The following TENM4 variants were observed in gnomAD, a reference collection of about 807,000 sequenced individuals.
TENM4 encodes the protein teneurin transmembrane protein 4.
A neutral mutation model predicts 243.3 loss-of-function variants in TENM4; 82 were observed. The ratio of observed to expected loss-of-function variants is 0.34; its 90% CI spans 0.28 to 0.40. The LOEUF (loss-of-function observed/expected upper bound fraction) is 0.40, where lower values mean the gene tolerates loss of function less well. TENM4 is among the 10% of genes least tolerant of loss of function. The pLI, the probability that TENM4 is intolerant of heterozygous loss-of-function variation, is 1.00. For missense variants in TENM4, 3,138 were observed against 3,673.3 expected, an observed-to-expected ratio of 0.85 and a Z score of 3.77; for synonymous variants, 1,412 against 1,456.3, an observed-to-expected ratio of 0.97 and a Z score of 0.69.
rs566954483 is a variant in TENM4 at position 78,819,637 on chromosome 11, G to C, written c.1682-5242C>G. On this transcript the variant is annotated intron_variant, in intron 12 of 33. Transcript: ENST00000278550. ...CGGACTCCAGCATCAAAGACAGAAG[G>C]AACCAGCTTTGTGAATGAGGTCAAG... Among the ~76,000 whole-genome samples, 9 of 152,228 alleles carry C rather than the reference G, an allele frequency of 5.9e-5. No homozygotes were observed. The East Asian group carries it at 1.5e-3, about 26-fold the overall frequency.
rs181546018 is a variant in TENM4, at chr11:78,767,201, T to C, written c.2539+3791A>G. Among the ~76,000 whole-genome samples the C allele has an allele frequency of 4.6e-3, 706 of 152,310 alleles. 3 individuals are homozygous for C. Among genetic ancestry groups the C allele is most frequent in the African/African-American group, 0.016 (650 of 41,568 alleles). ...AATGTCGCCAAGACCTCACATACTC[T>C]GGCAGTTTCTGCGACCGGCCAGCTG... On this transcript the variant is annotated intron_variant, in intron 18 of 33. Coordinates refer to ENST00000278550, the MANE Select transcript of TENM4 (RefSeq NM_001098816.3).
chr11:79,283,497 C>T (rs486437), intron 2 of TENM4, among the ~76,000 whole-genome samples: 150,845 of 152,278 alleles, frequency 0.99, 74,793 homozygotes, highest in Middle Eastern at 1. Flanking sequence ...GGAAAAAGCA[C>T]TTCACAAAAT....
chr11:78,887,847 T>C (rs1316625772), intron 9 of TENM4, among the ~76,000 whole-genome samples: 2 of 152,274 alleles, frequency 1.3e-5, no homozygotes, highest in Non-Finnish European at 1.5e-5. Context: ...AATTAGGCTA[T>C]ATGATATAAA....
At chr11:79,124,472 G>A (rs568871673) in intron 4 of TENM4, among the ~76,000 whole-genome samples, 3 of 152,040 alleles carry the variant, frequency 2.0e-5, no homozygotes, top group Non-Finnish European at 4.4e-5. Context: ...CTCAAAAATC[G>A]GACTCCACGT....
chr11:79,164,262 G>GT (rs1862848501), intron 3 of TENM4, among the ~76,000 whole-genome samples: 2 of 106,954 alleles, frequency 1.9e-5, no homozygotes, highest in Admixed American at 9.6e-5. Flanking sequence ...ATAGTATATA[G>GT]ATATACTAGT....
chr11:78,667,729 C>G (rs1277416636), intron 32 of TENM4, among the ~76,000 whole-genome samples: 1 of 152,136 alleles, frequency 6.6e-6, no homozygotes, highest in African/African-American at 2.4e-5. Flanking sequence ...AGTGGCTGCA[C>G]AGAAGAAGCA....
At chr11:78,972,255 C>A (rs1027583085) in intron 6 of TENM4, among the ~76,000 whole-genome samples, 32 of 152,140 alleles carry the variant, frequency 2.1e-4, no homozygotes, top group South Asian at 6.2e-4. Flanking sequence ...TCTTTTCCAG[C>A]CTATTAAATC....
At chr11:79,436,758 C>G (rs902134837) in intron 1 of TENM4, among the ~76,000 whole-genome samples, 1 of 152,182 alleles carries the variant, frequency 6.6e-6, no homozygotes, top group Non-Finnish European at 1.5e-5. Context: ...ACCTCCACCC[C>G]CAAACAGAGG....
At chr11:78,773,995 T>G (rs555262737) in intron 17 of TENM4, among the ~76,000 whole-genome samples, 17 of 152,336 alleles carry the variant, frequency 1.1e-4, no homozygotes, top group African/African-American at 3.8e-4. Context: ...AGCGAGGACT[T>G]TGGAGGTGGA....
At chr11:78,758,042 C>A (rs1024099555) in intron 18 of TENM4, among the ~76,000 whole-genome samples, 1 of 152,150 alleles carries the variant, frequency 6.6e-6, no homozygotes. Context: ...TATTAATAGA[C>A]CAGCTTAAAA....
chr11:79,305,868 C>T (rs1168447221), intron 1 of TENM4, among the ~76,000 whole-genome samples: 1 of 152,206 alleles, frequency 6.6e-6, no homozygotes, highest in Non-Finnish European at 1.5e-5. Flanking sequence ...CACTGGTCAC[C>T]CTTGCCAGCA....
chr11:79,387,375 G>A (rs1003022337), intron 1 of TENM4, among the ~76,000 whole-genome samples: 2 of 152,162 alleles, frequency 1.3e-5, no homozygotes, highest in Non-Finnish European at 2.9e-5. Flanking sequence ...GAGTTGGGCA[G>A]TTTTCTTTAT....
chr11:79,352,415 C>G (rs967178164), intron 1 of TENM4, among the ~76,000 whole-genome samples: 12 of 152,214 alleles, frequency 7.9e-5, no homozygotes, highest in African/African-American at 2.7e-4. Context: ...GTGACCTCCC[C>G]TCTGCTGCCC....
intron 1 of TENM4, among the ~76,000 whole-genome samples, chr11:79,419,626 G>A (rs1858889223): frequency 1.3e-5 from 2 of 152,148 alleles, no homozygotes; most frequent in Non-Finnish European, 2.9e-5. Flanking sequence ...ACCAGCCATG[G>A]GTCACGTTGC....
chr11:78,978,416 T>G (rs191558517), intron 6 of TENM4, among the ~76,000 whole-genome samples: 1 of 151,518 alleles, frequency 6.6e-6, no homozygotes, highest in Non-Finnish European at 1.5e-5. Flanking sequence ...TTAGCATAAA[T>G]GATCCATTTA....
At chr11:78,926,249 T>A (rs1233409166) in intron 6 of TENM4, among the ~76,000 whole-genome samples, 1 of 141,208 alleles carries the variant, frequency 7.1e-6, no homozygotes, top group Non-Finnish European at 1.5e-5. Context: ...GACTTGGGAG[T>A]GGGGAGGGAT....
chr11:79,070,154 C>T, intron 4 of TENM4, 145 bp from the exon 5 acceptor site: 2 of 1,057,916 alleles, frequency 1.9e-6, no homozygotes, highest in African/African-American at 3.2e-5. Flanking sequence ...CTACGCAGCC[C>T]ATAAGTGGCA....
chr11:79,110,909 A>C (rs1259428980), intron 4 of TENM4, among the ~76,000 whole-genome samples: 1 of 152,136 alleles, frequency 6.6e-6, no homozygotes, highest in Non-Finnish European at 1.5e-5. Flanking sequence ...TAACTCATTC[A>C]CTAAAAGAGT....
intron 3 of TENM4, among the ~76,000 whole-genome samples, chr11:79,204,692 C>T (rs1273551616): frequency 6.6e-6 from 1 of 152,206 alleles, no homozygotes; most frequent in East Asian, 1.9e-4. Flanking sequence ...TTTAGTAGAG[C>T]TGCAGATGTG....
Sources: gnomAD v4.1 joint callset for allele counts (sites outside exome capture counted in the v4.1 genomes callset) on GRCh38, gnomAD v4.1.1 for gene constraint, MANE v1.5 for transcripts, NCBI Gene and HGNC (gene_info 2026-07-23, HGNC 2026-07-21) for gene names.